The following CTNND2 variants were observed in gnomAD, a reference collection of about 807,000 sequenced individuals.
CTNND2 encodes catenin delta-2.
CTNND2 carries 22 observed loss-of-function variants against 144.4 expected under a neutral mutation model. That is an observed-to-expected ratio of 0.15 (90% CI 0.11 to 0.22). The LOEUF (loss-of-function observed/expected upper bound fraction) is 0.22, where lower values mean the gene tolerates loss of function less well. Among genes scored for constraint, CTNND2 ranks in the 10% least tolerant of loss-of-function variants. The probability of loss-of-function intolerance (pLI) is 1.00; values close to 1 mark genes in which losing one functional copy is unlikely to be tolerated. For missense variants in CTNND2, 1,353 were observed against 1,618.8 expected (o/e 0.84, Z 2.82); for synonymous variants, 751 against 695.6 (o/e 1.08, Z -1.25).
At chr5:11,150,571 T>C (rs1170568102) in intron 12 of CTNND2, among the ~76,000 whole-genome samples, 2 of 150,364 alleles carry the variant, frequency 1.3e-5, no homozygotes, top group Non-Finnish European at 3.0e-5. Flanking sequence ...CTCTGCATGC[T>C]GACATCAGGT....
intron 1 of CTNND2, among the ~76,000 whole-genome samples, chr5:11,857,441 G>A (rs2127017264): frequency 6.6e-6 from 1 of 152,320 alleles, no homozygotes; most frequent in Non-Finnish European, 1.5e-5. Flanking sequence ...CCGTGGTAAA[G>A]ATGAGCTCCC....
intron 18 of CTNND2, among the ~76,000 whole-genome samples, chr5:10,997,286 G>C (rs1412271359): frequency 6.6e-6 from 1 of 152,096 alleles, no homozygotes; most frequent in African/African-American, 2.4e-5. Context: ...ACTTATGTAT[G>C]GGAACGATTA....
chr5:11,628,774 CAA>C (rs879808880), intron 2 of CTNND2, among the ~76,000 whole-genome samples: 1 of 140,266 alleles, frequency 7.1e-6, no homozygotes, highest in African/African-American at 2.6e-5. Flanking sequence ...GGAAAGTGTC[CAA>C]AAAAAAAAAG....
At chr5:11,700,968 A>G (rs569093708) in intron 2 of CTNND2, among the ~76,000 whole-genome samples, 23 of 152,220 alleles carry the variant, frequency 1.5e-4, no homozygotes, top group Non-Finnish European at 2.9e-4. Context: ...TAAAATGATT[A>G]TCTTTATTTC....
intron 1 of CTNND2, among the ~76,000 whole-genome samples, chr5:11,827,986 G>GT (rs2059621517): frequency 6.6e-6 from 1 of 152,138 alleles, no homozygotes; most frequent in Non-Finnish European, 1.5e-5. Context: ...GTCCAAAACT[G>GT]TAAGTCAGAA....
At chr5:11,120,246 G>A (rs1020869529) in intron 12 of CTNND2, among the ~76,000 whole-genome samples, 1 of 152,236 alleles carries the variant, frequency 6.6e-6, no homozygotes, top group Admixed American at 6.5e-5. Context: ...TCAAGAGGGG[G>A]TTATCATGCT....
intron 9 of CTNND2, among the ~76,000 whole-genome samples, chr5:11,260,704 C>T (rs1744771299): frequency 6.6e-6 from 1 of 152,138 alleles, no homozygotes; most frequent in South Asian, 2.1e-4. Flanking sequence ...AAGGTCCCAC[C>T]TCTCAACAAG....
chr5:11,330,315 CAAAAAA>C (rs1257414767), intron 9 of CTNND2, among the ~76,000 whole-genome samples: 1 of 82,346 alleles, frequency 1.2e-5, no homozygotes, highest in Non-Finnish European at 2.5e-5. Flanking sequence ...ACTAAAAATA[CAAAAAA>C]AAAAAAAAAA....
At chr5:11,655,732 C>T (rs1282768405) in intron 2 of CTNND2, among the ~76,000 whole-genome samples, 1 of 152,022 alleles carries the variant, frequency 6.6e-6, no homozygotes, top group Admixed American at 6.6e-5. Context: ...CAAATAAGAT[C>T]AATCCATATG....
At chr5:11,581,730 T>C (rs1350895160) in intron 2 of CTNND2, among the ~76,000 whole-genome samples, 2 of 152,208 alleles carry the variant, frequency 1.3e-5, no homozygotes, top group Non-Finnish European at 2.9e-5. Context: ...CAAGGATAAA[T>C]GTCTAAGCTT....
At chr5:11,573,157 T>C (rs9312778) in intron 2 of CTNND2, among the ~76,000 whole-genome samples, 59,711 of 151,622 alleles carry the variant, frequency 0.39, 12,788 homozygotes, top group Middle Eastern at 0.56. Flanking sequence ...TGAGTCAACA[T>C]TGGAATAAAT....
intron 2 of CTNND2, among the ~76,000 whole-genome samples, chr5:11,624,544 C>T (rs1354340601): frequency 6.6e-6 from 1 of 152,012 alleles, no homozygotes; most frequent in Non-Finnish European, 1.5e-5. Flanking sequence ...TTTTATTAAA[C>T]AGTTTTAATT....
intron 1 of CTNND2, among the ~76,000 whole-genome samples, chr5:11,817,676 A>G (rs1793064011): frequency 6.6e-6 from 1 of 152,082 alleles, no homozygotes; most frequent in Non-Finnish European, 1.5e-5. Flanking sequence ...GACTGTTTTT[A>G]TATGTGGAAG....
intron 1 of CTNND2, among the ~76,000 whole-genome samples, chr5:11,856,621 G>C (rs1252923659): frequency 1.3e-5 from 2 of 152,104 alleles, no homozygotes; most frequent in Non-Finnish European, 2.9e-5. Context: ...AAGGGCATCA[G>C]GAACTACAGC....
chr5:11,668,383 T>G (rs138867842), intron 2 of CTNND2, among the ~76,000 whole-genome samples: 2,026 of 152,364 alleles, frequency 0.013, 17 homozygotes, highest in South Asian at 0.026. Context: ...ATATTGATTC[T>G]TCCTATCCAC....
intron 9 of CTNND2, among the ~76,000 whole-genome samples, chr5:11,302,784 A>G (rs1749748413): frequency 1.3e-5 from 2 of 152,166 alleles, no homozygotes; most frequent in African/African-American, 4.8e-5. Context: ...CTGGGCAAAT[A>G]GAGGATGTAA....
rs1566623 is a variant in CTNND2 at position 10,973,721 on chromosome 5, G to T, written c.3418-8C>A. On this transcript the variant is annotated splice_region_variant and splice_polypyrimidine_tract_variant and intron_variant, in intron 21 of 21. Transcript: ENST00000304623. This position sits in a 1 kb window ranked among gnomAD's most constrained non-coding sequence, Gnocchi z 5.6. ...GACTGGCTGTGCTGAAACCTAAACG[G>T]GAAAGAAGAGCCACACTGGGTTACT... 1.3e-6 allele frequency: 2 copies of T among 1,582,074 alleles called. No individual in the cohort carries two copies. The highest frequency in any genetic ancestry group is 1.7e-6 in the Non-Finnish European group (2 of 1,164,308).
intron 10 of CTNND2, among the ~76,000 whole-genome samples, chr5:11,200,827 C>T (rs1183108762): frequency 1.3e-5 from 2 of 152,152 alleles, no homozygotes; most frequent in East Asian, 1.9e-4. Flanking sequence ...TATAGGCGTC[C>T]GCCACCACGC....
intron 2 of CTNND2, among the ~76,000 whole-genome samples, chr5:11,623,563 A>G (rs1780967584): frequency 6.6e-6 from 1 of 151,848 alleles, no homozygotes; most frequent in African/African-American, 2.4e-5. Flanking sequence ...CTTTATCAGC[A>G]GTGTGAAAAT....
Sources: gnomAD v4.1 joint callset for allele counts (sites outside exome capture counted in the v4.1 genomes callset) on GRCh38, gnomAD v4.1.1 for gene constraint, Gnocchi (gnomAD v3.1) non-coding constraint, MANE v1.5 for transcripts, NCBI Gene and HGNC (gene_info 2026-07-23, HGNC 2026-07-21) for gene names.